Variants in SORCS2 observed in about 807,000 individuals in gnomAD.
The protein encoded by SORCS2 is sortilin related VPS10 domain containing receptor 2.
SORCS2 carries 100 observed loss-of-function variants against 141.6 expected under a neutral mutation model. The observed-to-expected ratio is 0.71, with a 90% CI of 0.60 to 0.83. SORCS2 has a LOEUF of 0.83. SORCS2 is among the 40% of genes least tolerant of loss of function. SORCS2 has a pLI of 0.00. For missense variants in SORCS2, 1,646 were observed against 1,560.2 expected, an observed-to-expected ratio of 1.05 and a Z score of -0.93; for synonymous variants, 789 against 676.9, an observed-to-expected ratio of 1.17 and a Z score of -2.57.
intron 2 of SORCS2, chr4:7,460,099 C>CCCA (rs10655902): frequency 0.91 from 140,960 of 154,686 alleles, 64,435 homozygotes; most frequent in Middle Eastern, 0.93. Context: ...CCCAGCAGTC[C>CCCA]CTCCCCCTGC....
chr4:7,671,530 C>A (rs1453414866), intron 8 of SORCS2, among the ~76,000 whole-genome samples: 1 of 151,520 alleles, frequency 6.6e-6, no homozygotes, highest in African/African-American at 2.4e-5. Flanking sequence ...TAAAAAGGAA[C>A]CAAAAGAAAT....
chr4:7,399,557 G>A (rs1199539313), intron 2 of SORCS2, among the ~76,000 whole-genome samples: 2 of 152,100 alleles, frequency 1.3e-5, no homozygotes, highest in African/African-American at 4.8e-5. Context: ...GGTGGTGATG[G>A]GGGTCTCCTG....
chr4:7,555,310 AAGC>A (rs1250833417), intron 3 of SORCS2, among the ~76,000 whole-genome samples: 1 of 152,230 alleles, frequency 6.6e-6, no homozygotes, highest in Non-Finnish European at 1.5e-5. Flanking sequence ...AAGTAGCTAA[AAGC>A]AGGCAGCATC....
chr4:7,475,691 G>T (rs1035235311), intron 2 of SORCS2, among the ~76,000 whole-genome samples: 19 of 152,164 alleles, frequency 1.2e-4, no homozygotes, highest in African/African-American at 4.6e-4. Context: ...ACTCATGCAT[G>T]TTCATGTTCA....
In SORCS2 at chr4:7,467,241, G is replaced by A. The variant is rs543846016; in HGVS notation, c.549-64289G>A. ...GCTGCCAGACATGGGCGAATGACGT[G>A]TCATCCACAGCCCCCACGCTGCTGC... On this transcript the variant is annotated intron_variant, in intron 2 of 26. Coordinates refer to ENST00000507866, the MANE Select transcript of SORCS2 (RefSeq NM_020777.3). Among the ~76,000 whole-genome samples the A allele has an allele frequency of 6.6e-5, 10 of 152,296 alleles. No homozygotes were observed. In the East Asian group the frequency reaches 9.7e-4, roughly 15 times the overall value.
intron 3 of SORCS2, among the ~76,000 whole-genome samples, chr4:7,580,587 A>G (rs1320834898): frequency 2.0e-5 from 3 of 152,180 alleles, no homozygotes; most frequent in African/African-American, 7.2e-5. Context: ...TTTCAGGGAT[A>G]TATTAATGGT....
intron 2 of SORCS2, among the ~76,000 whole-genome samples, chr4:7,474,058 CTGGT>C (rs2109352685): frequency 6.6e-6 from 1 of 152,342 alleles, no homozygotes; most frequent in South Asian, 2.1e-4. Context: ...TGTCTGCTCC[CTGGT>C]CGGTTGATGG....
At chr4:7,410,434 C>G (rs1725229967) in intron 2 of SORCS2, among the ~76,000 whole-genome samples, 1 of 152,196 alleles carries the variant, frequency 6.6e-6, no homozygotes, top group South Asian at 2.1e-4. Context: ...AATTCTGGCT[C>G]CATATTTCCC....
At chr4:7,333,010 C>T (rs1334520571) in intron 1 of SORCS2, among the ~76,000 whole-genome samples, 17 of 152,346 alleles carry the variant, frequency 1.1e-4, no homozygotes, top group African/African-American at 3.6e-4. Context: ...GTGGAAGGCA[C>T]CTGGCACGGA....
At chr4:7,481,139 G>C (rs926327831) in intron 2 of SORCS2, among the ~76,000 whole-genome samples, 3 of 152,228 alleles carry the variant, frequency 2.0e-5, no homozygotes, top group Non-Finnish European at 2.9e-5. Flanking sequence ...GCCACACATG[G>C]CATCCTCTTT....
At chr4:7,346,744 T>TTGC (rs1194783453) in intron 1 of SORCS2, among the ~76,000 whole-genome samples, 3 of 152,246 alleles carry the variant, frequency 2.0e-5, no homozygotes, top group Non-Finnish European at 4.4e-5. Flanking sequence ...TTGTACTTGT[T>TTGC]ATATCTTCCT....
chr4:7,251,934 C>A (rs1184446341), intron 1 of SORCS2, among the ~76,000 whole-genome samples: 2 of 152,132 alleles, frequency 1.3e-5, no homozygotes. Context: ...GGGCATCCCA[C>A]ATTCTGGGGG....
At chr4:7,669,344 A>G (rs558841320) in intron 8 of SORCS2, among the ~76,000 whole-genome samples, 4 of 152,312 alleles carry the variant, frequency 2.6e-5, no homozygotes, top group East Asian at 1.9e-4. Context: ...GCAGTTGAAG[A>G]TGATGGTCAC....
At chr4:7,730,535 A>G (rs1259217988) in intron 23 of SORCS2, among the ~76,000 whole-genome samples, 1 of 152,228 alleles carries the variant, frequency 6.6e-6, no homozygotes, top group Non-Finnish European at 1.5e-5. Flanking sequence ...CAACCTTACA[A>G]TGGAATATTC....
chr4:7,316,977 A>G (rs6833329), intron 1 of SORCS2, among the ~76,000 whole-genome samples: 90,731 of 152,046 alleles, frequency 0.6, 27,175 homozygotes, highest in South Asian at 0.72. Flanking sequence ...GACTTCCACA[A>G]GTTCTGAATG....
chr4:7,465,693 C>G (rs1194258668), intron 2 of SORCS2, among the ~76,000 whole-genome samples: 1 of 152,258 alleles, frequency 6.6e-6, no homozygotes, highest in Non-Finnish European at 1.5e-5. Context: ...TGGTCCTACT[C>G]ACCAAGGACA....
At chr4:7,302,592 G>T (rs760106001) in intron 1 of SORCS2, among the ~76,000 whole-genome samples, 1 of 152,160 alleles carries the variant, frequency 6.6e-6, no homozygotes, top group Non-Finnish European at 1.5e-5. Context: ...CCTGTGCCCT[G>T]ACTTGGACCT....
chr4:7,384,864 G>C (rs1723198570), intron 1 of SORCS2, among the ~76,000 whole-genome samples: 1 of 152,244 alleles, frequency 6.6e-6, no homozygotes, highest in Non-Finnish European at 1.5e-5. Context: ...AGATGCCTGA[G>C]GGCAGGGGGC....
chr4:7,453,362 A>G (rs1204514037), intron 2 of SORCS2, among the ~76,000 whole-genome samples: 7 of 59,508 alleles, frequency 1.2e-4, no homozygotes, highest in African/African-American at 1.4e-4. Context: ...TGGGGTCAGG[A>G]GCTGTGTGTT....
Sources: gnomAD v4.1 joint callset for allele counts (sites outside exome capture counted in the v4.1 genomes callset) on GRCh38, gnomAD v4.1.1 for gene constraint, MANE v1.5 for transcripts, NCBI Gene and HGNC (gene_info 2026-07-23, HGNC 2026-07-21) for gene names.